Variants in CHCT1 observed in about 807,000 individuals in gnomAD.
CHCT1 encodes the protein CHD1 helical C-terminal domain containing 1.
At chr17:60,426,030 A>G in the CHCT1 span, 4 of 1,256,600 alleles carry the variant, frequency 3.2e-6, no homozygotes, top group Non-Finnish European at 4.4e-6. Context: ...GGTGCACCAG[A>G]GCCACCTCCC....
the CHCT1 span, chr17:60,421,917 G>T: frequency 1.0e-6 from 1 of 985,684 alleles, no homozygotes; most frequent in Non-Finnish European, 1.2e-6. Context: ...GACCGCTGCG[G>T]TACCTGCCCC....
chr17:60,422,487 C>A, the CHCT1 span: 8 of 1,533,868 alleles, frequency 5.2e-6, no homozygotes, highest in Non-Finnish European at 7.0e-6. Context: ...AGTTCTGGAG[C>A]CAAACCGCCC....
At chr17:60,427,150 ACTC>A in the CHCT1 span, among the ~76,000 whole-genome samples, 1 of 152,014 alleles carries the variant, frequency 6.6e-6, no homozygotes, top group Admixed American at 6.6e-5. Flanking sequence ...CAGCAGAGGC[ACTC>A]CTCCTTGTGG....
chr17:60,422,740 A>C, the CHCT1 span: 2 of 1,272,370 alleles, frequency 1.6e-6, no homozygotes, highest in South Asian at 1.5e-5. Flanking sequence ...GAGAAGAACA[A>C]TGATAGGGTA....
chr17:60,431,266 A>C, the CHCT1 span: 1 of 1,598,462 alleles, frequency 6.3e-7, no homozygotes, highest in Non-Finnish European at 8.5e-7. Flanking sequence ...CTGAACCGTA[A>C]GAAGACCAAC....
At chr17:60,422,067 G>A in the CHCT1 span, among the ~76,000 whole-genome samples, 1 of 152,144 alleles carries the variant, frequency 6.6e-6, no homozygotes, top group Non-Finnish European at 1.5e-5. Context: ...CTTCCTGGAG[G>A]CCGCAGGGGC....
the CHCT1 span, among the ~76,000 whole-genome samples, chr17:60,429,773 C>A: frequency 1.3e-5 from 2 of 152,034 alleles, no homozygotes. Context: ...TCCCCCTCTT[C>A]CCCAGGCTTG....
chr17:60,423,065 G>T, the CHCT1 span, among the ~76,000 whole-genome samples: 1 of 152,094 alleles, frequency 6.6e-6, no homozygotes, highest in Admixed American at 6.6e-5. Flanking sequence ...TGTTCTCCCC[G>T]AACACAGACT....
At chr17:60,422,632 C>A in the CHCT1 span, 1 of 1,550,034 alleles carries the variant, frequency 6.5e-7, no homozygotes, top group East Asian at 2.4e-5. Context: ...AGGGGACAAG[C>A]CACTAGAGCA....
At chr17:60,423,488 C>A in the CHCT1 span, among the ~76,000 whole-genome samples, 7 of 147,938 alleles carry the variant, frequency 4.7e-5, no homozygotes, top group South Asian at 1.5e-3. Flanking sequence ...CCACTGTGCC[C>A]AGTTTTGCTC....
chr17:60,425,980 G>A, the CHCT1 span: 1 of 1,287,370 alleles, frequency 7.8e-7, no homozygotes, highest in Non-Finnish European at 1.1e-6. Context: ...ACAGCGCATT[G>A]CCCCACTTGT....
the CHCT1 span, chr17:60,431,161 T>C: frequency 2.0e-6 from 3 of 1,536,392 alleles, no homozygotes; most frequent in East Asian, 2.3e-5. Flanking sequence ...TGGGACTGTC[T>C]CTGACCTTCT....
chr17:60,429,350 G>C, the CHCT1 span: 1 of 1,609,734 alleles, frequency 6.2e-7, no homozygotes, highest in Middle Eastern at 1.7e-4. Flanking sequence ...TAACACGGAG[G>C]CTCCATGGCA....
At chr17:60,430,406 G>T in the CHCT1 span, among the ~76,000 whole-genome samples, 2 of 152,090 alleles carry the variant, frequency 1.3e-5, no homozygotes, top group Admixed American at 1.3e-4. Flanking sequence ...ATTAGTCACT[G>T]AGTCTGTCCT....
the CHCT1 span, chr17:60,422,677 G>A: frequency 1.3e-6 from 2 of 1,515,158 alleles, no homozygotes; most frequent in African/African-American, 2.8e-5. Context: ...AGGGAAGGAG[G>A]GTCCCGGAGG....
the CHCT1 span, chr17:60,426,249 T>C: frequency 6.4e-7 from 1 of 1,551,970 alleles, no homozygotes; most frequent in Non-Finnish European, 8.7e-7. Context: ...CTGAAGTACA[T>C]GAAGCAGAGC....
At chr17:60,426,888 C>G in the CHCT1 span, 1 of 1,538,658 alleles carries the variant, frequency 6.5e-7, no homozygotes, top group South Asian at 1.2e-5. Context: ...TGCGGGGAGG[C>G]CTGGGATTGA....
chr17:60,429,835 AT>A, the CHCT1 span, among the ~76,000 whole-genome samples: 1 of 150,626 alleles, frequency 6.6e-6, no homozygotes. Context: ...TATTTTATTT[AT>A]TTTTTCCAGA....
the CHCT1 span, among the ~76,000 whole-genome samples, chr17:60,422,868 G>C: frequency 6.6e-6 from 1 of 152,108 alleles, no homozygotes; most frequent in Non-Finnish European, 1.5e-5. Context: ...TGGTTATGAA[G>C]ACTTGAGAGT....
Sources: allele counts gnomAD v4.1 joint callset (sites outside exome capture counted in the v4.1 genomes callset), GRCh38; gene constraint gnomAD v4.1.1; transcripts MANE v1.5; gene names NCBI Gene and HGNC (gene_info 2026-07-23, HGNC 2026-07-21).